The following CNTLN variants were observed in gnomAD, a reference collection of about 807,000 sequenced individuals.
The protein encoded by CNTLN is centlein, centrosomal protein.
In CNTLN, 212 loss-of-function variants were observed where a neutral mutation model predicts 180.0. The ratio of observed to expected loss-of-function variants is 1.18; its 90% confidence interval spans 1.05 to 1.32. The LOEUF (loss-of-function observed/expected upper bound fraction) is 1.32, where lower values mean the gene tolerates loss of function less well. Ranked by LOEUF, CNTLN falls within the 40% of genes most tolerant of loss-of-function variation. The pLI is 0.00. For missense variants in CNTLN, 2,095 were observed against 1,610.9 expected, an observed-to-expected ratio of 1.30 and a Z score of -5.14; for synonymous variants, 722 against 563.1, an observed-to-expected ratio of 1.28 and a Z score of -3.99.
chr9:17,418,371 T>G (rs1427083491), intron 18 of CNTLN, among the ~76,000 whole-genome samples: 2 of 152,114 alleles, frequency 1.3e-5, no homozygotes, highest in East Asian at 3.9e-4. Context: ...CCCCAAATAT[T>G]ACATAGATAC....
chr9:17,297,970 A>G (rs1818066311), intron 6 of CNTLN, among the ~76,000 whole-genome samples: 1 of 152,316 alleles, frequency 6.6e-6, no homozygotes, highest in South Asian at 2.1e-4. Flanking sequence ...GAAAATTAAT[A>G]TGTATCTGGC....
chr9:17,295,817 T>A (rs1040890880), intron 6 of CNTLN, among the ~76,000 whole-genome samples: 4 of 152,120 alleles, frequency 2.6e-5, no homozygotes, highest in African/African-American at 7.2e-5. Context: ...GAAATAAACA[T>A]ATCTACATAG....
At chr9:17,166,880 G>C (rs576029291) in intron 2 of CNTLN, 40 of 460,180 alleles carry the variant, frequency 8.7e-5, no homozygotes, top group Non-Finnish European at 1.6e-4. Context: ...AAAAAGTTGG[G>C]ATTGAGAAAA....
At chr9:17,197,611 G>C (rs1822217941) in intron 2 of CNTLN, among the ~76,000 whole-genome samples, 1 of 152,032 alleles carries the variant, frequency 6.6e-6, no homozygotes. Context: ...ACAGTTGTTT[G>C]AGTTTCTTAT....
intron 2 of CNTLN, among the ~76,000 whole-genome samples, chr9:17,225,698 T>A (rs1042185680): frequency 2.0e-5 from 3 of 152,012 alleles, no homozygotes; most frequent in African/African-American, 7.2e-5. Flanking sequence ...CCCAGAGAAC[T>A]ATGCTTTGAT....
intron 12 of CNTLN, among the ~76,000 whole-genome samples, chr9:17,358,767 C>T (rs1436437282): frequency 6.6e-6 from 1 of 152,066 alleles, no homozygotes; most frequent in South Asian, 2.1e-4. Flanking sequence ...AGAATGCTCA[C>T]TACAGCATTG....
At chr9:17,305,474 C>T (rs1242644706) in intron 7 of CNTLN, among the ~76,000 whole-genome samples, 1 of 150,556 alleles carries the variant, frequency 6.6e-6, no homozygotes, top group Non-Finnish European at 1.5e-5. Flanking sequence ...TAAAGCAATG[C>T]AGATGAATGA....
In CNTLN at chr9:17,409,462, A is replaced by C. The variant is rs758964229; in HGVS notation, c.2785A>C (p.Lys929Gln). Reference protein sequence around the residue: ...IVQTYLNIDGKTPKDYFHDKN... With the variant: ...IVQTYLNIDGQTPKDYFHDKN... ...ACAGACATATTTAAATATAGATGGC[A>C]AGACCCCAAAGGTAAATGACATGAT... The change falls in exon 16 of 26, where the codon AAG becomes CAG. Residue 929 changes from lysine to glutamine, a missense_variant. Transcript: ENST00000380647. 8.8e-6 allele frequency: 14 copies of C among 1,598,724 alleles called. No homozygotes were observed.
intron 18 of CNTLN, among the ~76,000 whole-genome samples, chr9:17,416,981 A>C (rs563886405): frequency 6.6e-6 from 1 of 152,184 alleles, no homozygotes; most frequent in Non-Finnish European, 1.5e-5. Context: ...CTTTGATTCA[A>C]ACAATACATA....
chr9:17,135,374 G>C lies in CNTLN; in HGVS notation c.309G>C (p.Gln103His), dbSNP rs372294919. ...SVEEAMVTRT[Q>H]LLEEELSSLK... ...AGGAGGCGATGGTGACCCGGACGCA[G>C]CTGCTGGAGGAAGAGCTGAGCAGCC... The change falls in exon 1 of 26, where the codon CAG becomes CAC. Residue 103 changes from glutamine (Q) to histidine (H), a missense_variant. By Grantham distance (24) the Gln-to-His change is conservative. Transcript: ENST00000380647. 6.3e-7 allele frequency: 1 copy of C among 1,599,568 alleles called. No homozygotes were observed. Among genetic ancestry groups the C allele is most frequent in the Non-Finnish European group, 8.5e-7 (1 of 1,174,090 alleles).
At chr9:17,400,623 C>G (rs574672793) in intron 15 of CNTLN, among the ~76,000 whole-genome samples, 2 of 152,008 alleles carry the variant, frequency 1.3e-5, no homozygotes, top group Admixed American at 6.6e-5. Context: ...TTCATAGATA[C>G]GTTGTGAGAA....
chr9:17,496,859 C>T (rs1484250211), intron 25 of CNTLN, among the ~76,000 whole-genome samples: 1 of 152,152 alleles, frequency 6.6e-6, no homozygotes, highest in African/African-American at 2.4e-5. Context: ...ATATACTACA[C>T]AGTTCCTGGC....
intron 18 of CNTLN, among the ~76,000 whole-genome samples, chr9:17,428,380 A>G (rs1224592171): frequency 2.0e-5 from 3 of 152,168 alleles, no homozygotes; most frequent in African/African-American, 4.8e-5. Context: ...GCAATCATTC[A>G]TTTAATTTTC....
At chr9:17,330,480 G>A in intron 8 of CNTLN, 152 bp from the exon 9 acceptor site, 1 of 442,356 alleles carries the variant, frequency 2.3e-6, no homozygotes, top group Admixed American at 4.2e-5. Flanking sequence ...GAATGAAAAG[G>A]TTCAGCTCCT....
chr9:17,491,887 C>G (rs556591885), intron 25 of CNTLN, among the ~76,000 whole-genome samples: 71 of 152,166 alleles, frequency 4.7e-4, no homozygotes, highest in Admixed American at 9.8e-4. Context: ...ATCTCCCTGG[C>G]TTTTGTAAAT....
intron 2 of CNTLN, among the ~76,000 whole-genome samples, chr9:17,146,418 C>A (rs1024063805): frequency 2.0e-5 from 3 of 152,090 alleles, no homozygotes; most frequent in Admixed American, 6.5e-5. Flanking sequence ...TGGTGTCCCC[C>A]CAAAATTCGT....
rs1818945471 is a variant in CNTLN at position 17,309,099 on chromosome 9, A to T, written c.1188A>T (p.Ser396=). 3.1e-6 allele frequency: 5 copies of T among 1,598,190 alleles called. No individual in the cohort carries two copies. Among genetic ancestry groups the T allele is most frequent in the Non-Finnish European group, 2.6e-6 (3 of 1,175,270 alleles). ...ATATTTGTTTTGAAACCACAAAATC[A>T]AATGAAGCTATGCTCCGGCAAAGTG... ...ELHICFETTK[S]NEAMLRQSVT... is the part of the protein sequence containing the mutation. The change falls in exon 8 of 26, where the codon TCA becomes TCT. Residue 396 remains serine, a synonymous_variant. Coordinates refer to ENST00000380647, the MANE Select transcript of CNTLN (RefSeq NM_017738.4).
intron 10 of CNTLN, among the ~76,000 whole-genome samples, chr9:17,338,334 T>TGTG (rs1821204922): frequency 8.0e-6 from 1 of 124,236 alleles, no homozygotes; most frequent in Admixed American, 9.2e-5. Context: ...CTGGCTAATT[T>TGTG]TTGTTTTTTT....
chr9:17,349,503 T>C (rs1252103292), intron 12 of CNTLN, among the ~76,000 whole-genome samples: 1 of 152,158 alleles, frequency 6.6e-6, no homozygotes, highest in East Asian at 1.9e-4. Context: ...TTAAAGACTT[T>C]TATAAAACAT....
Sources: allele counts gnomAD v4.1 joint callset (sites outside exome capture counted in the v4.1 genomes callset), GRCh38; gene constraint gnomAD v4.1.1; transcripts MANE v1.5; gene names NCBI Gene and HGNC (gene_info 2026-07-23, HGNC 2026-07-21).